Variants in RGS22 observed in about 807,000 individuals in gnomAD.
RGS22 encodes the protein regulator of G-protein signaling 22.
RGS22 carries 148 observed loss-of-function variants against 172.9 expected under a neutral mutation model. That is an observed-to-expected ratio of 0.86 (90% confidence interval 0.75 to 0.98). The LOEUF is 0.98. RGS22 is among the 50% of genes least tolerant of loss of function. The probability of loss-of-function intolerance (pLI) is 0.00; values close to 1 mark genes in which losing one functional copy is unlikely to be tolerated. For synonymous variants in RGS22, 458 were observed against 480.2 expected, an observed-to-expected ratio of 0.95 and a Z score of 0.60; for missense variants, 1,347 against 1,440.8, an observed-to-expected ratio of 0.93 and a Z score of 1.05.
intron 24 of RGS22, among the ~76,000 whole-genome samples, chr8:99,964,236 C>T (rs1250583918): frequency 2.0e-5 from 3 of 152,008 alleles, no homozygotes. Context: ...GAGAATTGCG[C>T]AAGCCCAGGA....
At chr8:100,090,061 C>T (rs1465166606) in intron 3 of RGS22, among the ~76,000 whole-genome samples, 1 of 152,292 alleles carries the variant, frequency 6.6e-6, no homozygotes, top group Middle Eastern at 3.4e-3. Flanking sequence ...TCCCATTAAA[C>T]AGTGATTGCC....
At position 100,063,871 on chromosome 8, in the gene RGS22, C is replaced by T. The variant is rs764052073; in HGVS notation, c.897G>A (p.Gln299=). The T allele has an allele frequency of 6.2e-7, 1 of 1,611,654 alleles. No individual in the cohort carries two copies. The highest frequency in any genetic ancestry group is 8.5e-7 in the Non-Finnish European group (1 of 1,178,994). ...ALLRVYLEKK[Q]DVDESLTMHF... is the part of the protein sequence containing the mutation. ...GCATTGTCAGGCTTTCATCAACATC[C>T]TGTTTCTTTTCAAGGTATACTCTCA... is the stretch of plus-strand genomic sequence containing the variant. The change falls in exon 8 of 28, where the codon CAG becomes CAA. Residue 299 remains glutamine, a synonymous_variant. Coordinates refer to ENST00000360863, the MANE Select transcript of RGS22 (RefSeq NM_015668.5).
intron 14 of RGS22, among the ~76,000 whole-genome samples, chr8:100,010,589 G>A (rs929891268): frequency 1.3e-5 from 2 of 152,156 alleles, no homozygotes; most frequent in Admixed American, 6.5e-5. Context: ...ACTCTATAAT[G>A]CAGTTATGTA....
chr8:100,100,222 A>G (rs1234403435), intron 2 of RGS22, among the ~76,000 whole-genome samples: 1 of 152,020 alleles, frequency 6.6e-6, no homozygotes, highest in Non-Finnish European at 1.5e-5. Flanking sequence ...TTCTTACAAT[A>G]CCTAATACAA....
In RGS22 at chr8:100,063,482, C is replaced by T. The variant is rs1586177527; in HGVS notation, c.1286G>A (p.Arg429Lys). ...AATATCCATCCATAGCCACCAATAT[C>T]TCTCTCCCAATGTACCTTTTATAAA... ...KKFIKGTLGE[R>K]YWWLWMDIER... The change falls in exon 8 of 28, where the codon AGA becomes AAA. Residue 429 changes from arginine to lysine, a missense_variant. By Grantham distance (26) the Arg-to-Lys change is conservative. Transcript: ENST00000360863. The T allele has an allele frequency of 6.2e-7, 1 of 1,613,282 alleles. No individual in the cohort carries two copies. The highest frequency in any genetic ancestry group is 8.5e-7 in the Non-Finnish European group (1 of 1,179,360).
At chr8:100,104,201 A>C (rs2446913) in intron 2 of RGS22, among the ~76,000 whole-genome samples, 92,049 of 152,010 alleles carry the variant, frequency 0.61, 28,267 homozygotes, top group African/African-American at 0.69. Flanking sequence ...GCCTATAGGG[A>C]CAGTGACTCA....
intron 14 of RGS22, among the ~76,000 whole-genome samples, chr8:100,009,653 C>T (rs1363123012): frequency 6.6e-6 from 1 of 152,098 alleles, no homozygotes; most frequent in Non-Finnish European, 1.5e-5. Flanking sequence ...TTAACTTATA[C>T]TTTATTTCAA....
At chr8:99,995,160 A>G (rs1161457812) in intron 20 of RGS22, among the ~76,000 whole-genome samples, 1 of 152,180 alleles carries the variant, frequency 6.6e-6, no homozygotes, top group Admixed American at 6.5e-5. Context: ...AACCATAAAA[A>G]CCCTAGAAGA....
intron 14 of RGS22, among the ~76,000 whole-genome samples, chr8:100,038,289 T>C (rs1819713224): frequency 6.6e-6 from 1 of 151,926 alleles, no homozygotes; most frequent in Non-Finnish European, 1.5e-5. Flanking sequence ...CAAAAGAGGC[T>C]ATTCTGTCTC....
chr8:100,062,565 T>C (rs1373033666), intron 9 of RGS22, 26 bp downstream of exon 9: 2 of 1,495,146 alleles, frequency 1.3e-6, no homozygotes, highest in African/African-American at 1.4e-5. Flanking sequence ...AAAGTGAAAG[T>C]AAGTAACTGA....
In RGS22 at chr8:100,064,718, G is replaced by A. The variant is rs188728943; in HGVS notation, c.725-675C>T. The stretch of plus-strand genomic sequence containing the variant: ...ATATATAAGGGCCAAATCTATTAAG[G>A]AATTAGAATATGTATACTAAATGAT... On this transcript the variant is annotated intron_variant, in intron 7 of 27. Transcript: ENST00000360863. 3.2e-4 allele frequency among the ~76,000 whole-genome samples: 48 copies of A among 152,122 alleles called. No individual in the cohort carries two copies. The East Asian group carries it at 8.5e-3, about 27-fold the overall frequency.
rs962467696 is a variant in RGS22 at position 100,023,581 on chromosome 8, G to A, written c.2167-15012C>T. Among the ~76,000 whole-genome samples, 18 of 151,984 alleles carry A rather than the reference G, an allele frequency of 1.2e-4. 1 individual carries two copies. The highest frequency in any genetic ancestry group is 9.2e-4 in the Admixed American group (14 of 15,252). On this transcript the variant is annotated intron_variant, in intron 14 of 27. Transcript: ENST00000360863. ...CCCAAGTAGCTGGGACTACAAGCAC[G>A]GGCCACCACACCTGGCTAATTTTTT...
intron 20 of RGS22, among the ~76,000 whole-genome samples, chr8:99,988,353 A>G (rs1041062038): frequency 6.6e-6 from 1 of 152,108 alleles, no homozygotes; most frequent in Non-Finnish European, 1.5e-5. Context: ...ATATCTTTAC[A>G]ATTTGGAAAT....
At chr8:100,102,696 C>T (rs1479007871) in intron 2 of RGS22, among the ~76,000 whole-genome samples, 1 of 152,136 alleles carries the variant, frequency 6.6e-6, no homozygotes, top group Non-Finnish European at 1.5e-5. Flanking sequence ...GGAAGGGCAA[C>T]TGAGACAAAA....
At chr8:99,990,180 G>A (rs923840212) in intron 20 of RGS22, among the ~76,000 whole-genome samples, 1 of 152,258 alleles carries the variant, frequency 6.6e-6, no homozygotes, top group Admixed American at 6.5e-5. Flanking sequence ...GCGAAGGCAG[G>A]AGGATCACTG....
intron 20 of RGS22, among the ~76,000 whole-genome samples, chr8:99,992,636 G>A (rs905176806): frequency 3.9e-5 from 6 of 152,046 alleles, no homozygotes; most frequent in Non-Finnish European, 5.9e-5. Context: ...AGAGACCTAT[G>A]AAGAGACTTA....
Position 100,071,439 on chromosome 8 carries a change from C to T in RGS22, c.524G>A (p.Ser175Asn), listed in dbSNP as rs1042001065. The change falls in exon 6 of 28, where the codon AGT (serine) becomes AAT (asparagine). Residue 175 changes from serine (S) to asparagine (N), a missense_variant. By Grantham distance (46) the Ser-to-Asn change is conservative. Transcript: ENST00000360863. The stretch of plus-strand genomic sequence containing the variant: ...TTCTTCAGTGGCAGGAGGTGGTAGA[C>T]TGGGTGGTTTTTTCACGATCCAGGG... ...FSPWIVKKPP[S>N]LPPPATEEDN... The T allele has an allele frequency of 2.5e-6, 4 of 1,613,134 alleles. No individual in the cohort carries two copies. In the Admixed American group the frequency reaches 6.7e-5, roughly 27 times the overall value.
chr8:99,983,715 C>T (rs1423274337), intron 21 of RGS22, among the ~76,000 whole-genome samples: 1 of 152,100 alleles, frequency 6.6e-6, no homozygotes, highest in Non-Finnish European at 1.5e-5. Context: ...TATGGCATTT[C>T]TCTGTCAAAG....
At chr8:99,998,449 T>C (rs929205519) in intron 19 of RGS22, among the ~76,000 whole-genome samples, 4 of 152,176 alleles carry the variant, frequency 2.6e-5, no homozygotes, top group African/African-American at 7.2e-5. Flanking sequence ...AACTTTCCTA[T>C]AGTCCTAGCA....
Sources: gnomAD v4.1 joint callset for allele counts (sites outside exome capture counted in the v4.1 genomes callset) on GRCh38, gnomAD v4.1.1 for gene constraint, MANE v1.5 for transcripts, NCBI Gene and HGNC (gene_info 2026-07-23, HGNC 2026-07-21) for gene names.